The following C6orf132 variants were observed in gnomAD, a reference collection of about 807,000 sequenced individuals.
The protein encoded by C6orf132 is chromosome 6 open reading frame 132, also known as uncharacterized protein C6orf132.
A neutral mutation model predicts 65.3 loss-of-function variants in C6orf132; 43 were observed. The ratio of observed to expected loss-of-function variants is 0.66; its 90% CI spans 0.52 to 0.85. The LOEUF is 0.85. Ranked by LOEUF, C6orf132 falls within the 40% of genes least tolerant of loss-of-function variation. The probability of loss-of-function intolerance (pLI) is 0.00; values close to 1 mark genes in which losing one functional copy is unlikely to be tolerated. For missense variants in C6orf132, 1,488 were observed against 1,548.8 expected (o/e 0.96, Z 0.66); for synonymous variants, 631 against 654.1 (o/e 0.96, Z 0.54).
Position 42,105,156 on chromosome 6 carries a change from C to G in C6orf132, c.2756G>C (p.Arg919Pro), listed in dbSNP as rs1220388823. The G allele has an allele frequency of 6.5e-7, 1 of 1,537,020 alleles. No homozygotes were observed. The highest frequency in any genetic ancestry group is 1.4e-5 in the African/African-American group (1 of 73,120). ...TTEIPNKWGP[R>P]LGRDAEGTEL... ...TGTGCCCTCTGCGTCTCTTCCCAGC[C>G]GCGGCCCCCACTTATTGGGTATTTC... Residue 919 changes from arginine (R) to proline (P), a missense_variant, in exon 4 of 5, where the codon CGG (arginine) becomes CCG (proline). Physicochemically the swap from Arg to Pro is moderately radical, Grantham distance 103. Coordinates refer to ENST00000341865, the MANE Select transcript of C6orf132 (RefSeq NM_001164446.3).
Position 42,142,455 on chromosome 6 carries a change from C to A in C6orf132, c.-11G>T, listed in dbSNP as rs1394295687. ...CTGCTTCTTTTTCATGCTGCCGCAG[C>A]CCGCGCGGGCGCCAGGGAAGGACCT... On this transcript the variant is annotated 5_prime_UTR_variant, in exon 1 of 5. Coordinates refer to ENST00000341865, the MANE Select transcript of C6orf132 (RefSeq NM_001164446.3). 2 of 1,549,200 alleles carry A rather than the reference C, an allele frequency of 1.3e-6. No individual in the cohort carries two copies. The highest frequency in any genetic ancestry group is 1.7e-6 in the Non-Finnish European group (2 of 1,145,822).
chr6:42,117,324 A>G (rs749487914), intron 2 of C6orf132, among the ~76,000 whole-genome samples: 1 of 152,204 alleles, frequency 6.6e-6, no homozygotes, highest in Non-Finnish European at 1.5e-5. Context: ...ATAGATGAGA[A>G]AACTGAAGCA....
intron 1 of C6orf132, among the ~76,000 whole-genome samples, chr6:42,137,766 C>T (rs776788728): frequency 7.7e-5 from 11 of 142,900 alleles, no homozygotes; most frequent in South Asian, 2.2e-4. Flanking sequence ...AGGCTGGGCG[C>T]GGTGGCTCAC....
intron 2 of C6orf132, among the ~76,000 whole-genome samples, chr6:42,118,816 C>T (rs1229901102): frequency 6.6e-6 from 1 of 151,564 alleles, no homozygotes; most frequent in Non-Finnish European, 1.5e-5. Flanking sequence ...ACTTCACTTA[C>T]TTCACAGAGG....
At chr6:42,119,489 C>A (rs1028911630) in intron 2 of C6orf132, among the ~76,000 whole-genome samples, 1 of 151,098 alleles carries the variant, frequency 6.6e-6, no homozygotes, top group Admixed American at 6.6e-5. Context: ...GGACCACAGG[C>A]GCGTACCACC....
chr6:42,106,863 G>A lies in C6orf132; in HGVS notation c.1049C>T (p.Ser350Phe). The change falls in exon 4 of 5, where the codon TCC becomes TTC. Residue 350 changes from serine to phenylalanine, a missense_variant. Physicochemically the swap from Ser to Phe is radical, Grantham distance 155 (BLOSUM62 -2). Transcript: ENST00000341865. ...GGGGGCCCTGTCTGGGTAGACCTGG[G>A]AGGCGGGGCGGATGTGGAAGCTGGG... ...LPPSFHIRPA[S>F]QVYPDRAPEP... is the part of the protein sequence containing the mutation. The A allele has an allele frequency of 6.5e-7, 1 of 1,535,714 alleles. No individual in the cohort carries two copies.
chr6:42,128,765 A>G lies in C6orf132; in HGVS notation c.159T>C (p.Tyr53=), dbSNP rs1766808758. ...TCACTGTGTTAAACCGATTGTCTCC[A>G]TAATAGATGCCATCTAGAGAACACA... ...EGTGGFDGIY[Y]GDNRFNTVSE... Residue 53 remains tyrosine, a synonymous_variant, in exon 2 of 5, where the codon TAT becomes TAC. Coordinates refer to ENST00000341865, the MANE Select transcript of C6orf132 (RefSeq NM_001164446.3). The G allele has an allele frequency of 1.3e-6, 2 of 1,551,068 alleles. No individual in the cohort carries two copies. Among genetic ancestry groups the G allele is most frequent in the African/African-American group, 1.4e-5 (1 of 73,040 alleles).
chr6:42,134,940 G>A (rs181470993), intron 1 of C6orf132, among the ~76,000 whole-genome samples: 8 of 152,162 alleles, frequency 5.3e-5, no homozygotes, highest in African/African-American at 1.7e-4. Flanking sequence ...GGCAGAGGTC[G>A]TAGTGAGCTG....
intron 2 of C6orf132, among the ~76,000 whole-genome samples, chr6:42,113,532 C>G (rs996020382): frequency 6.6e-6 from 1 of 152,192 alleles, no homozygotes; most frequent in African/African-American, 2.4e-5. Flanking sequence ...AAAACCAAGG[C>G]AGCTGGGCAT....
In C6orf132 at chr6:42,106,009, C is replaced by A. The variant is rs1216271414; in HGVS notation, c.1903G>T (p.Ala635Ser). The A allele has an allele frequency of 2.0e-6, 3 of 1,537,140 alleles. No individual in the cohort carries two copies. Among genetic ancestry groups the A allele is most frequent in the Non-Finnish European group, 2.6e-6 (3 of 1,146,888 alleles). ...GGTGGTATGGCTGGTCCCAACATAG[C>A]CTTGGGCTGGAGTGATGTAGTTGGC... ...LLPTTSLQPKAMLGPAIPPKA... is the reference protein window; with the variant it reads ...LLPTTSLQPKSMLGPAIPPKA... Residue 635 changes from alanine (A) to serine (S), a missense_variant, in exon 4 of 5, where the codon GCT becomes TCT. Physicochemically the swap from Ala to Ser is moderately conservative, Grantham distance 99. Coordinates refer to ENST00000341865, the MANE Select transcript of C6orf132 (RefSeq NM_001164446.3).
Position 42,105,590 on chromosome 6 carries a change from G to A in C6orf132, c.2322C>T (p.His774=), listed in dbSNP as rs1766387697. 1 of 1,536,736 alleles carries A rather than the reference G, an allele frequency of 6.5e-7. No homozygotes were observed. The highest frequency in any genetic ancestry group is 2.0e-5 in the Admixed American group (1 of 50,992). ...CAACCTCACGGCTGAGGCTGCTCTG[G>A]TGGCAGTGGGGCTTGTAGAGACATG... ...EVPCLYKPHC[H]QSSLSREVAV... is the part of the protein sequence containing the mutation. The change falls in exon 4 of 5, where the codon CAC becomes CAT. Residue 774 remains histidine, a synonymous_variant. Coordinates refer to ENST00000341865, the MANE Select transcript of C6orf132 (RefSeq NM_001164446.3).
At position 42,107,389 on chromosome 6, in the gene C6orf132, G is replaced by A; in HGVS notation, c.523C>T (p.Pro175Ser). 9.8e-7 allele frequency: 1 copy of A among 1,021,964 alleles called. No individual in the cohort carries two copies. Among genetic ancestry groups the A allele is most frequent in the Non-Finnish European group, 1.4e-6 (1 of 710,126 alleles). 63.3% of individuals were successfully genotyped at this position (1,021,964 alleles called of 1,614,324 possible). The change falls in exon 4 of 5, where the codon CCC becomes TCC. Residue 175 changes from proline to serine, a missense_variant. By Grantham distance (74) the Pro-to-Ser change is moderately conservative (BLOSUM62 -1). Transcript: ENST00000341865. ...GGGGGTGGGGGTTCCAGCAGCAGGG[G>A]AGGTGGTGGGGGTGCTGTGGAAGGT... ...SPPSTAPPPPPLLLEPPPPPS... is the reference protein window; with the variant it reads ...SPPSTAPPPPSLLLEPPPPPS...
chr6:42,102,221 C>CTTTTTTTTTTTTTTTTTTTTTT lies in C6orf132; in HGVS notation c.*1518_*1539dup, dbSNP rs58496089. On this transcript the variant is annotated 3_prime_UTR_variant, in exon 5 of 5. Coordinates refer to ENST00000341865, the MANE Select transcript of C6orf132 (RefSeq NM_001164446.3). The stretch of plus-strand genomic sequence containing the variant: ...CCCTACTGATAGGTCTCCCCTGCTC[C>CTTTTTTTTTTTTTTTTTTTTTT]TTTTTTTTTTTTTTTTTTTTTTTTT... 2.2e-5 allele frequency: 2 copies of CTTTTTTTTTTTTTTTTTTTTTT among 92,182 alleles called. No individual in the cohort carries two copies. The highest frequency in any genetic ancestry group is 3.9e-5 in the Non-Finnish European group (2 of 51,494). The allele number at this position is 92,182 out of a possible 1,614,324, so 5.7% of individuals were successfully genotyped here. A position where few individuals can be genotyped will look rare whatever the true frequency, so the allele number is the denominator to read the frequency against.
At chr6:42,127,862 GA>G (rs970204545) in intron 2 of C6orf132, among the ~76,000 whole-genome samples, 1 of 150,446 alleles carries the variant, frequency 6.6e-6, no homozygotes, top group Admixed American at 6.6e-5. Flanking sequence ...GACTTAGCAT[GA>G]AAAAAAAGAA....
chr6:42,134,591 C>A (rs557545370), intron 1 of C6orf132, among the ~76,000 whole-genome samples: 1 of 151,420 alleles, frequency 6.6e-6, no homozygotes, highest in African/African-American at 2.4e-5. Context: ...CTGGCCAACA[C>A]GGTGAAACCC....
At chr6:42,126,712 G>A in intron 2 of C6orf132, 1 of 318,132 alleles carries the variant, frequency 3.1e-6, no homozygotes, top group Non-Finnish European at 5.7e-6. Context: ...GCATGGTGGT[G>A]GGCACCTGTA....
chr6:42,132,763 A>G (rs1378949007), intron 1 of C6orf132, among the ~76,000 whole-genome samples: 1 of 151,608 alleles, frequency 6.6e-6, no homozygotes, highest in Admixed American at 6.6e-5. Flanking sequence ...AGGCTGAGGC[A>G]GGAGAACCGC....
chr6:42,138,813 T>C (rs1396197628), intron 1 of C6orf132, among the ~76,000 whole-genome samples: 1 of 146,184 alleles, frequency 6.8e-6, no homozygotes, highest in Non-Finnish European at 1.5e-5. Context: ...ATCTTGGGAT[T>C]TGCGAAGATC....
chr6:42,104,871 C>T lies in C6orf132; in HGVS notation c.3041G>A (p.Arg1014Gln), dbSNP rs1405896164. 1.2e-5 allele frequency: 17 copies of T among 1,448,628 alleles called. No homozygotes were observed. The highest frequency in any genetic ancestry group is 1.4e-5 in the Non-Finnish European group (16 of 1,105,216). 89.7% of individuals were successfully genotyped at this position (1,448,628 alleles called of 1,614,324 possible). A position where few individuals can be genotyped will look rare whatever the true frequency, so the allele number is the denominator to read the frequency against. Residue 1014 changes from arginine to glutamine, a missense_variant, in exon 4 of 5, where the codon CGG (arginine) becomes CAG (glutamine). By Grantham distance (43) the Arg-to-Gln change is conservative (BLOSUM62 1). Coordinates refer to ENST00000341865, the MANE Select transcript of C6orf132 (RefSeq NM_001164446.3). The surrounding 1 kb of genome is among the most constrained non-coding windows in gnomAD (Gnocchi z 4.1). ...QYLGRQSSPP[R>Q]NNYSDLRQLP... ...CTGCCTCAAGTCTGAGTAGTTGTTCCGGGGAGGGGAGCTCTGGCGGCCCAG... is the reference window on the plus strand; with the variant it reads ...CTGCCTCAAGTCTGAGTAGTTGTTCTGGGGAGGGGAGCTCTGGCGGCCCAG...
Sources: gnomAD v4.1 joint callset for allele counts (sites outside exome capture counted in the v4.1 genomes callset) on GRCh38, gnomAD v4.1.1 for gene constraint, Gnocchi (gnomAD v3.1) non-coding constraint, MANE v1.5 for transcripts, NCBI Gene and HGNC (gene_info 2026-07-23, HGNC 2026-07-21) for gene names.